The following SCAF1 variants were observed in gnomAD, a reference collection of about 807,000 sequenced individuals.
SCAF1 encodes the protein SR-related CTD associated factor 1.
In SCAF1, 28 loss-of-function variants were observed where a neutral mutation model predicts 91.2. The observed-to-expected ratio is 0.31, with a 90% CI of 0.23 to 0.42. The LOEUF (loss-of-function observed/expected upper bound fraction) is 0.42, where lower values mean the gene tolerates loss of function less well. Among genes scored for constraint, SCAF1 ranks in the 10% least tolerant of loss-of-function variants. The pLI is 1.00. For synonymous variants in SCAF1, 1,036 were observed against 833.7 expected (o/e 1.24, Z -4.18); for missense variants, 1,893 against 1,872.1 (o/e 1.01, Z -0.21).
In SCAF1 at chr19:49,652,914, G is replaced by T. The variant is rs1284283661; in HGVS notation, c.2525G>T (p.Arg842Leu). 6.2e-7 allele frequency: 1 copy of T among 1,613,816 alleles called. No homozygotes were observed. Among genetic ancestry groups the T allele is most frequent in the Non-Finnish European group, 8.5e-7 (1 of 1,179,964 alleles). The stretch of plus-strand genomic sequence containing the variant: ...CAGTCCAAGGTGGCGGTGCTGATCC[G>T]CGAGGGTGTCAGCAGCACCACCCCG... ...KLQSKVAVLI[R>L]EGVSSTTPAK... The change falls in exon 7 of 11, where the codon CGC (arginine) becomes CTC (leucine). Residue 842 changes from arginine to leucine, a missense_variant. Arg to Leu is a moderately radical substitution (Grantham distance 102). Coordinates refer to ENST00000360565, the MANE Select transcript of SCAF1 (RefSeq NM_021228.3).
Position 49,653,675 on chromosome 19 carries a change from G to C in SCAF1, c.3286G>C (p.Val1096Leu). 1 of 1,586,044 alleles carries C rather than the reference G, an allele frequency of 6.3e-7. No individual in the cohort carries two copies. Among genetic ancestry groups the C allele is most frequent in the South Asian group, 1.1e-5 (1 of 88,154 alleles). ...CATGCCCTGGAATCTGCCAGCTGGT[G>C]TGGACTGCACCACCAGCGGCGTCCT... ...PPMPWNLPAG[V>L]DCTTSGVLAL... Residue 1096 changes from valine to leucine, a missense_variant, in exon 7 of 11, where the codon GTG becomes CTG. By Grantham distance (32) the Val-to-Leu change is conservative. Coordinates refer to ENST00000360565, the MANE Select transcript of SCAF1 (RefSeq NM_021228.3).
rs2081104635 is a variant in SCAF1, at chr19:49,652,527, C to G, written c.2138C>G (p.Ser713Cys). The change falls in exon 7 of 11, where the codon TCC (serine) becomes TGC (cysteine). Residue 713 changes from serine (S) to cysteine (C), a missense_variant. Physicochemically the swap from Ser to Cys is moderately radical, Grantham distance 112 (BLOSUM62 -1). Transcript: ENST00000360565. ...ATCACGGTGGGCCGGCTTGACAAGTCCGACCCCCGAGGACCCTCTCCTGCT... is the reference window on the plus strand; with the variant it reads ...ATCACGGTGGGCCGGCTTGACAAGTGCGACCCCCGAGGACCCTCTCCTGCT... ...RTITVGRLDK[S>C]DPRGPSPAPA... is the part of the protein sequence containing the mutation. 1 of 1,570,440 alleles carries G rather than the reference C, an allele frequency of 6.4e-7. No homozygotes were observed. Among genetic ancestry groups the G allele is most frequent in the Admixed American group, 1.8e-5 (1 of 55,284 alleles).
rs59176255 is a variant in SCAF1, at chr19:49,648,560, A to ACCC, written c.478+1738_478+1740dup. Among the ~76,000 whole-genome samples the ACCC allele has an allele frequency of 5.9e-3, 689 of 116,778 alleles. 3 individuals carry two copies. Among genetic ancestry groups the ACCC allele is most frequent in the African/African-American group, 8.3e-3 (259 of 31,128 alleles). The allele number at this position is 116,778 out of a possible 152,430, so 76.6% of individuals were successfully genotyped here. ...AGGCATGAGCCACCATGCCTGCCAC[A>ACCC]CCCCCCCCCCTTTTTTTTTAACAGC... On this transcript the variant is annotated intron_variant, in intron 6 of 10. Transcript: ENST00000360565.
chr19:49,647,593 G>A (rs1378145129), intron 6 of SCAF1, among the ~76,000 whole-genome samples: 1 of 152,224 alleles, frequency 6.6e-6, no homozygotes, highest in African/African-American at 2.4e-5. Context: ...TGAGCCGTGA[G>A]CACCAGTTCT....
rs1298930701 is a variant in SCAF1, at chr19:49,657,698, G to A, written c.3619-63G>A. On this transcript the variant is annotated intron_variant, in intron 9 of 10. Transcript: ENST00000360565. ...GCTGGCAGCAGAGGCGAGTGGAGGT[G>A]GAGGTTCCGCAGGTACTCACTGGCC... 4 of 1,537,730 alleles carry A rather than the reference G, an allele frequency of 2.6e-6. No homozygotes were observed. In the East Asian group the frequency reaches 7.3e-5, roughly 28 times the overall value.
chr19:49,646,949 C>G lies in SCAF1; in HGVS notation c.478+119C>G, dbSNP rs1006446739. 3.8e-5 allele frequency: 27 copies of G among 715,386 alleles called. No homozygotes were observed. In the African/African-American group the frequency reaches 4.6e-4, roughly 12 times the overall value. 44.3% of individuals were successfully genotyped at this position (715,386 alleles called of 1,614,324 possible). A position where few individuals can be genotyped will look rare whatever the true frequency, so the allele number is the denominator to read the frequency against. ...TTAGACAAAACCTTTCCCTTCTCTT[C>G]GTATTAGACGTGATTAAGGCTGTAG... On this transcript the variant is annotated intron_variant, in intron 6 of 10. Transcript: ENST00000360565. This position sits in a 1 kb window ranked among gnomAD's most constrained non-coding sequence, Gnocchi z 5.6.
chr19:49,654,927 C>G, intron 9 of SCAF1, 57 bp downstream of exon 9: 1 of 1,354,310 alleles, frequency 7.4e-7, no homozygotes, highest in Non-Finnish European at 9.9e-7. Context: ...AGAATATGGA[C>G]AGGAACTGAG....
chr19:49,657,780 C>T lies in SCAF1; in HGVS notation c.3638C>T (p.Thr1213Met), dbSNP rs776125440. ...DTDKYLKKLH[T>M]QERAVEEVKL... is the part of the protein sequence containing the mutation. The stretch of plus-strand genomic sequence containing the variant: ...CACCAGTATCTGAAGAAGCTGCACA[C>T]GCAGGAGCGGGCGGTGGAGGAGGTG... Residue 1213 changes from threonine to methionine, a missense_variant, in exon 10 of 11, where the codon ACG (threonine) becomes ATG (methionine). Thr to Met is a moderately conservative substitution (Grantham distance 81). This residue lies in a region of SCAF1 where 56 missense variants were observed against 106.3 expected (regional missense o/e 0.53). Coordinates refer to ENST00000360565, the MANE Select transcript of SCAF1 (RefSeq NM_021228.3). 4.4e-6 allele frequency: 7 copies of T among 1,603,172 alleles called. No homozygotes were observed. Among genetic ancestry groups the T allele is most frequent in the African/African-American group, 2.7e-5 (2 of 74,728 alleles).
Position 49,658,354 on chromosome 19 carries a change from G to T in SCAF1, c.3894G>T (p.Gly1298=). 1 of 1,567,572 alleles carries T rather than the reference G, an allele frequency of 6.4e-7. No homozygotes were observed. Among genetic ancestry groups the T allele is most frequent in the Non-Finnish European group, 8.6e-7 (1 of 1,160,124 alleles). Residue 1298 remains glycine (G), a synonymous_variant, in exon 11 of 11, where the codon GGG becomes GGT. Coordinates refer to ENST00000360565, the MANE Select transcript of SCAF1 (RefSeq NM_021228.3). Reference sequence around the variant, plus strand: ...CCCCACGGCCGCCCAAGGAGCCAGGGCCCCCAGACAAGGGTGGCCCGGGCC... The same window carrying T: ...CCCCACGGCCGCCCAAGGAGCCAGGTCCCCCAGACAAGGGTGGCCCGGGCC... ...PGPPRPPKEP[G]PPDKGGPGLP...
rs763275837 is a variant in SCAF1 at position 49,653,592 on chromosome 19, C to T, written c.3203C>T (p.Ser1068Leu). 2.0e-5 allele frequency: 31 copies of T among 1,583,240 alleles called. No individual in the cohort carries two copies. Among genetic ancestry groups the T allele is most frequent in the East Asian group, 9.1e-5 (4 of 43,996 alleles). Reference protein sequence around the residue: ...APSAGSTAGDSGAEDGPASRV... With the variant: ...APSAGSTAGDLGAEDGPASRV... The stretch of plus-strand genomic sequence containing the variant: ...AGCGCGGGGTCCACAGCCGGTGACT[C>T]GGGGGCGGAGGACGGGCCAGCTTCC... The change falls in exon 7 of 11, where the codon TCG (serine) becomes TTG (leucine). Residue 1068 changes from serine to leucine, a missense_variant. This residue lies in a region of SCAF1 where 1,436 missense variants were observed against 1,306.8 expected (regional missense o/e 1.10). Transcript: ENST00000360565.
Position 49,651,996 on chromosome 19 carries a change from C to T in SCAF1, c.1607C>T (p.Ser536Leu), listed in dbSNP as rs1260108140. Reference protein sequence around the residue: ...SGEAKEAASSSSGTQPAPPAP... With the variant: ...SGEAKEAASSLSGTQPAPPAP... The stretch of plus-strand genomic sequence containing the variant: ...GAGGCCAAGGAGGCCGCCTCGTCCT[C>T]GTCGGGCACCCAGCCAGCGCCGCCC... The change falls in exon 7 of 11, where the codon TCG (serine) becomes TTG (leucine). Residue 536 changes from serine (S) to leucine (L), a missense_variant. Ser to Leu is a moderately radical substitution (Grantham distance 145). Transcript: ENST00000360565. 2 of 1,195,680 alleles carry T rather than the reference C, an allele frequency of 1.7e-6. No homozygotes were observed. The highest frequency in any genetic ancestry group is 5.5e-5 in the East Asian group (1 of 18,098). 74.1% of individuals were successfully genotyped at this position (1,195,680 alleles called of 1,614,324 possible).
At position 49,652,940 on chromosome 19, in the gene SCAF1, G is replaced by A. The variant is rs2081110255; in HGVS notation, c.2551G>A (p.Ala851Thr). The change falls in exon 7 of 11, where the codon GCC (alanine) becomes ACC (threonine). Residue 851 changes from alanine to threonine, a missense_variant. Transcript: ENST00000360565. ...IREGVSSTTP[A>T]KDAASAGLGS... ...CGAGGGTGTCAGCAGCACCACCCCG[G>A]CCAAGGATGCCGCGTCAGCCGGCCT... The A allele has an allele frequency of 8.1e-6, 13 of 1,613,784 alleles. No individual in the cohort carries two copies. Among genetic ancestry groups the A allele is most frequent in the Non-Finnish European group, 1.1e-5 (13 of 1,179,952 alleles).
Position 49,652,651 on chromosome 19 carries a change from G to C in SCAF1, c.2262G>C (p.Ser754=), listed in dbSNP as rs781162257. 4 of 1,560,124 alleles carry C rather than the reference G, an allele frequency of 2.6e-6. No individual in the cohort carries two copies. Among genetic ancestry groups the C allele is most frequent in the Non-Finnish European group, 3.5e-6 (4 of 1,152,206 alleles). The change falls in exon 7 of 11, where the codon TCG becomes TCC. Residue 754 remains serine (S), a synonymous_variant. Coordinates refer to ENST00000360565, the MANE Select transcript of SCAF1 (RefSeq NM_021228.3). ...GCAGCCAGAAGGATCGGCGCCGCTC[G>C]GGGGCCGCCTCCTCCTCCTCCTCTT... The part of the protein sequence containing the change: ...GKSSQKDRRR[S]GAASSSSSSR...
rs61741228 is a variant in SCAF1, at chr19:49,654,723, G to C, written c.3471G>C (p.Leu1157=). The stretch of plus-strand genomic sequence containing the variant: ...CTCCTGTGCCCACCTCTTTGGGTCT[G>C]CCCCCTGGCCCCTCCAGCTACCTGC... The part of the protein sequence containing the change: ...TPAPVPTSLG[L]PPGPSSYLLP... The change falls in exon 9 of 11, where the codon CTG becomes CTC. Residue 1157 remains leucine (L), a synonymous_variant. Coordinates refer to ENST00000360565, the MANE Select transcript of SCAF1 (RefSeq NM_021228.3). 6.2e-7 allele frequency: 1 copy of C among 1,613,984 alleles called. No homozygotes were observed. Among genetic ancestry groups the C allele is most frequent in the Admixed American group, 1.7e-5 (1 of 60,010 alleles).
Position 49,651,908 on chromosome 19 carries a change from C to A in SCAF1, c.1519C>A (p.Pro507Thr). 8.7e-7 allele frequency: 1 copy of A among 1,155,260 alleles called. No individual in the cohort carries two copies. The highest frequency in any genetic ancestry group is 2.3e-5 in the South Asian group (1 of 44,350). The allele number at this position is 1,155,260 out of a possible 1,614,324, so 71.6% of individuals were successfully genotyped here. A position where few individuals can be genotyped will look rare whatever the true frequency, so the allele number is the denominator to read the frequency against. Residue 507 changes from proline to threonine, a missense_variant, in exon 7 of 11, where the codon CCG becomes ACG. Around this residue, in one of 5 missense-constraint regions of SCAF1, gnomAD observed 1,436 missense variants for 1,306.8 expected, o/e 1.10. Transcript: ENST00000360565. ...GCCCTCCCCGGCGCCCGCGCCCGCCCCGGCCGCCGCTGCTGGTCCGCCCAC... is the reference window on the plus strand; with the variant it reads ...GCCCTCCCCGGCGCCCGCGCCCGCCACGGCCGCCGCTGCTGGTCCGCCCAC... ...RSPSPAPAPA[P>T]AAAAGPPTRK...
chr19:49,652,169 C>T lies in SCAF1; in HGVS notation c.1780C>T (p.Arg594Cys), dbSNP rs1026079741. 22 of 1,152,172 alleles carry T rather than the reference C, an allele frequency of 1.9e-5. No homozygotes were observed. The highest frequency in any genetic ancestry group is 7.4e-4 in the Middle Eastern group (2 of 2,708). 71.4% of individuals were successfully genotyped at this position (1,152,172 alleles called of 1,614,324 possible). The change falls in exon 7 of 11, where the codon CGC (arginine) becomes TGC (cysteine). Residue 594 changes from arginine (R) to cysteine (C), a missense_variant. Arg to Cys is a radical substitution (Grantham distance 180, BLOSUM62 -3). Transcript: ENST00000360565. ...RRRSRSTDRRRGGSRRSRSRE... is the reference protein window; with the variant it reads ...RRRSRSTDRRCGGSRRSRSRE... ...CCGCTCGCGCAGCACCGACCGCCGC[C>T]GCGGGGGCAGCCGCAGGTCGCGGTC...
chr19:49,652,378 G>T lies in SCAF1; in HGVS notation c.1989G>T (p.Pro663=). ...KRSGDGSEKA[P]APAPPPSGST... is the part of the protein sequence containing the mutation. Reference sequence around the variant, plus strand: ...CTGGGGATGGCAGCGAGAAGGCCCCGGCGCCCGCCCCGCCGCCCTCTGGCT... The same window carrying T: ...CTGGGGATGGCAGCGAGAAGGCCCCTGCGCCCGCCCCGCCGCCCTCTGGCT... The change falls in exon 7 of 11, where the codon CCG becomes CCT. Residue 663 remains proline (P), a synonymous_variant. Transcript: ENST00000360565. 6.5e-7 allele frequency: 1 copy of T among 1,546,244 alleles called. No homozygotes were observed.
chr19:49,640,947 C>A (rs546542973), upstream of SCAF1, among the ~76,000 whole-genome samples: 5 of 152,220 alleles, frequency 3.3e-5, no homozygotes, highest in South Asian at 8.3e-4. Context: ...GATGTGGACT[C>A]CTGGGTCCTG....
Position 49,652,508 on chromosome 19 carries a change from G to T in SCAF1, c.2119G>T (p.Val707Leu). The change falls in exon 7 of 11, where the codon GTG (valine) becomes TTG (leucine). Residue 707 changes from valine to leucine, a missense_variant. By Grantham distance (32) the Val-to-Leu change is conservative. Transcript: ENST00000360565. ...CTTCGCCATCAAGCGGACCATCACG[G>T]TGGGCCGGCTTGACAAGTCCGACCC... Reference protein sequence around the residue: ...DLFAIKRTITVGRLDKSDPRG... With the variant: ...DLFAIKRTITLGRLDKSDPRG... The T allele has an allele frequency of 6.3e-7, 1 of 1,581,840 alleles. No individual in the cohort carries two copies. The highest frequency in any genetic ancestry group is 8.6e-7 in the Non-Finnish European group (1 of 1,164,750).
Sources: allele counts gnomAD v4.1 joint callset (sites outside exome capture counted in the v4.1 genomes callset), GRCh38; gene constraint gnomAD v4.1.1; regional missense constraint gnomAD v4.1.1; non-coding constraint Gnocchi (gnomAD v3.1); transcripts MANE v1.5; gene names NCBI Gene and HGNC (gene_info 2026-07-23, HGNC 2026-07-21).